ZNF804B: variants seen among roughly 807,000 people sequenced by gnomAD.
The protein encoded by ZNF804B is zinc finger 804B.
In ZNF804B, 80 loss-of-function variants were observed where a neutral mutation model predicts 101.4. The observed-to-expected ratio is 0.79, with a 90% CI of 0.66 to 0.95. ZNF804B has a LOEUF of 0.95. Among genes scored for constraint, ZNF804B ranks in the 40% least tolerant of loss-of-function variants. ZNF804B has a pLI of 0.00. For synonymous variants in ZNF804B, 622 were observed against 558.8 expected, an observed-to-expected ratio of 1.11 and a Z score of -1.59; for missense variants, 1,673 against 1,561.9, an observed-to-expected ratio of 1.07 and a Z score of -1.20.
intron 1 of ZNF804B, among the ~76,000 whole-genome samples, chr7:89,192,491 G>A (rs1334435619): frequency 6.6e-6 from 1 of 151,910 alleles, no homozygotes; most frequent in Non-Finnish European, 1.5e-5. Flanking sequence ...GACAAATATA[G>A]TGCATGTTCT....
chr7:89,025,212 G>T (rs1486654910), intron 1 of ZNF804B, among the ~76,000 whole-genome samples: 1 of 152,076 alleles, frequency 6.6e-6, no homozygotes, highest in Non-Finnish European at 1.5e-5. Context: ...ACTCAATTAT[G>T]ATAGTAGTCA....
At position 89,104,856 on chromosome 7, in the gene ZNF804B, C is replaced by A. The variant is rs894997000; in HGVS notation, c.109-113299C>A. On this transcript the variant is annotated intron_variant, in intron 1 of 3. Transcript: ENST00000333190. ...ATGCTTCTGGAACTGCTACTTGATT[C>A]TGCAGGAATCAAATACTTATCTGTG... Among the ~76,000 whole-genome samples the A allele has an allele frequency of 3.3e-5, 5 of 152,112 alleles. No individual in the cohort carries two copies. In the East Asian group the frequency reaches 9.7e-4, roughly 29 times the overall value.
intron 1 of ZNF804B, among the ~76,000 whole-genome samples, chr7:89,145,999 T>A (rs988043238): frequency 1.3e-5 from 2 of 152,090 alleles, no homozygotes; most frequent in Non-Finnish European, 2.9e-5. Flanking sequence ...TTCAGCATGC[T>A]TTGAATCAGT....
At chr7:89,088,705 A>G (rs1789841555) in intron 1 of ZNF804B, among the ~76,000 whole-genome samples, 1 of 150,298 alleles carries the variant, frequency 6.7e-6, no homozygotes, top group African/African-American at 2.5e-5. Context: ...GTCATGCTCC[A>G]TGTCCTCTAC....
chr7:89,018,475 A>AT (rs1171413042), intron 1 of ZNF804B, among the ~76,000 whole-genome samples: 2 of 67,734 alleles, frequency 3.0e-5, no homozygotes, highest in African/African-American at 1.9e-4. Context: ...GTTTTTATGG[A>AT]GTTTTTTTGT....
intron 2 of ZNF804B, among the ~76,000 whole-genome samples, chr7:89,298,234 A>G (rs1367423862): frequency 8.6e-5 from 9 of 104,956 alleles, no homozygotes; most frequent in African/African-American, 1.6e-4. Flanking sequence ...ATATATATAT[A>G]TATATATATA....
At chr7:88,905,900 T>G (rs1792463029) in intron 1 of ZNF804B, among the ~76,000 whole-genome samples, 1 of 151,100 alleles carries the variant, frequency 6.6e-6, no homozygotes, top group Non-Finnish European at 1.5e-5. Flanking sequence ...TGAGGCTTTT[T>G]TTTTTTTTTT....
Position 88,782,775 on chromosome 7 carries a change from T to C in ZNF804B, c.108+22691T>C, listed in dbSNP as rs763969628. Among the ~76,000 whole-genome samples, 207 of 152,180 alleles carry C rather than the reference T, an allele frequency of 1.4e-3. 3 individuals carry two copies. The highest frequency in any genetic ancestry group is 7.5e-4 in the Non-Finnish European group (51 of 68,034). On this transcript the variant is annotated intron_variant, in intron 1 of 3. Coordinates refer to ENST00000333190, the MANE Select transcript of ZNF804B (RefSeq NM_181646.5). Reference sequence around the variant, plus strand: ...TCTGTGAGTAGAACTTGCTTAGCTATGGTTTTCCAGCTCCTCTGATATGGT... The same window carrying C: ...TCTGTGAGTAGAACTTGCTTAGCTACGGTTTTCCAGCTCCTCTGATATGGT...
At chr7:88,961,338 A>G (rs1247726394) in intron 1 of ZNF804B, among the ~76,000 whole-genome samples, 1 of 151,254 alleles carries the variant, frequency 6.6e-6, no homozygotes, top group African/African-American at 2.4e-5. Context: ...ATCATTCACT[A>G]ATCTTTAACG....
At chr7:89,153,676 T>C (rs918060707) in intron 1 of ZNF804B, among the ~76,000 whole-genome samples, 1 of 152,120 alleles carries the variant, frequency 6.6e-6, no homozygotes, top group Admixed American at 6.6e-5. Flanking sequence ...ACCAGTTCTG[T>C]GGAAAAGTAG....
chr7:88,922,342 A>C (rs7796075), intron 1 of ZNF804B, among the ~76,000 whole-genome samples: 37,456 of 151,898 alleles, frequency 0.25, 4,664 homozygotes, highest in South Asian at 0.28. Context: ...TTTCAACTAA[A>C]AGACATCCTC....
chr7:89,222,295 T>C (rs1486836533), intron 2 of ZNF804B, among the ~76,000 whole-genome samples: 2 of 151,926 alleles, frequency 1.3e-5, no homozygotes, highest in African/African-American at 4.8e-5. Context: ...CTTGTCCTCA[T>C]TTTTCATTTT....
intron 1 of ZNF804B, among the ~76,000 whole-genome samples, chr7:89,117,895 C>G (rs991318704): frequency 3.3e-5 from 5 of 151,812 alleles, no homozygotes; most frequent in Admixed American, 6.6e-5. Context: ...TAAGATTGAT[C>G]GTGAATACTT....
intron 1 of ZNF804B, among the ~76,000 whole-genome samples, chr7:88,979,243 T>C (rs1028920511): frequency 2.0e-5 from 3 of 151,978 alleles, no homozygotes; most frequent in Admixed American, 1.3e-4. Context: ...AAAACACCCA[T>C]GTTTTTCTTT....
chr7:89,272,169 C>G (rs1261703634), intron 2 of ZNF804B, among the ~76,000 whole-genome samples: 7 of 152,156 alleles, frequency 4.6e-5, no homozygotes, highest in Admixed American at 3.3e-4. Context: ...TATCTGCGCT[C>G]ATATTGTTCT....
At chr7:89,307,655 G>C (rs920586847) in intron 2 of ZNF804B, among the ~76,000 whole-genome samples, 3 of 151,936 alleles carry the variant, frequency 2.0e-5, no homozygotes, top group African/African-American at 7.2e-5. Flanking sequence ...TATATGTAAA[G>C]TTTTATTCAA....
At chr7:88,766,731 A>G (rs1789989590) in intron 1 of ZNF804B, among the ~76,000 whole-genome samples, 1 of 152,210 alleles carries the variant, frequency 6.6e-6, no homozygotes, top group African/African-American at 2.4e-5. Flanking sequence ...TTTCTTTCAC[A>G]TGACTTAGAT....
chr7:89,240,968 T>TACAGTGTCTGTAGCAGACACTGCTACAG (rs1789360261), intron 2 of ZNF804B, among the ~76,000 whole-genome samples: 1 of 152,120 alleles, frequency 6.6e-6, no homozygotes, highest in Non-Finnish European at 1.5e-5. Context: ...TTCCAAACTC[T>TACAGTGTCTGTAGCAGACACTGCTACAG]ACAGTGTCTG....
intron 1 of ZNF804B, among the ~76,000 whole-genome samples, chr7:89,030,849 A>G (rs1434626977): frequency 8.6e-5 from 13 of 151,998 alleles, no homozygotes; most frequent in Non-Finnish European, 1.9e-4. Flanking sequence ...TCTCCCTGCA[A>G]TATTATGCTC....
Sources: gnomAD v4.1 joint callset for allele counts (sites outside exome capture counted in the v4.1 genomes callset) on GRCh38, gnomAD v4.1.1 for gene constraint, MANE v1.5 for transcripts, NCBI Gene and HGNC (gene_info 2026-07-23, HGNC 2026-07-21) for gene names.